Variants in TENM3 observed in about 807,000 individuals in gnomAD.
TENM3 encodes teneurin-3.
In TENM3, 63 loss-of-function variants were observed where a neutral mutation model predicts 255.1. The ratio of observed to expected loss-of-function variants is 0.25; its 90% confidence interval spans 0.20 to 0.30. The LOEUF is 0.30. Among genes scored for constraint, TENM3 ranks in the 10% least tolerant of loss-of-function variants. The pLI is 1.00. For synonymous variants in TENM3, 1,306 were observed against 1,322.3 expected (o/e 0.99, Z 0.27); for missense variants, 2,929 against 3,461.1 (o/e 0.85, Z 3.86).
the TENM3 span, among the ~76,000 whole-genome samples, chr4:182,116,860 A>G: frequency 1.3e-5 from 2 of 152,196 alleles, no homozygotes; most frequent in African/African-American, 4.8e-5. Flanking sequence ...TTGGTTTTGT[A>G]AGAAATGAAC....
the TENM3 span, among the ~76,000 whole-genome samples, chr4:181,539,892 C>T: frequency 6.6e-6 from 1 of 152,124 alleles, no homozygotes; most frequent in East Asian, 1.9e-4. Flanking sequence ...TTTACAAGTA[C>T]AACTATTTGG....
intron 12 of TENM3, among the ~76,000 whole-genome samples, chr4:182,691,146 G>A (rs767760310): frequency 5.3e-5 from 8 of 152,216 alleles, no homozygotes; most frequent in Admixed American, 1.3e-4. Context: ...GTGGCCCTAC[G>A]GGGCCATTTG....
intron 22 of TENM3, among the ~76,000 whole-genome samples, chr4:182,769,303 T>TTTTC (rs143866352): frequency 0.029 from 4,460 of 152,230 alleles, 178 homozygotes; most frequent in South Asian, 0.1. Flanking sequence ...TTTGAAGACA[T>TTTTC]TTTCTTTCAC....
At chr4:181,450,682 C>A in the TENM3 span, among the ~76,000 whole-genome samples, 1 of 152,196 alleles carries the variant, frequency 6.6e-6, no homozygotes, top group Non-Finnish European at 1.5e-5. Context: ...GTTTTGACAA[C>A]CTTCCTCAGT....
intron 1 of TENM3, among the ~76,000 whole-genome samples, chr4:182,287,375 A>G (rs1760796717): frequency 6.6e-6 from 1 of 152,190 alleles, no homozygotes; most frequent in African/African-American, 2.4e-5. Flanking sequence ...TAATACACCG[A>G]GCTTTTGCTA....
chr4:182,452,164 G>A (rs905556988), intron 3 of TENM3, among the ~76,000 whole-genome samples: 1 of 152,228 alleles, frequency 6.6e-6, no homozygotes, highest in African/African-American at 2.4e-5. Flanking sequence ...TATCATAGAT[G>A]TGAGTGCTTT....
intron 1 of TENM3, among the ~76,000 whole-genome samples, chr4:182,237,056 G>A (rs183082875): frequency 1.7e-4 from 26 of 152,228 alleles, no homozygotes; most frequent in African/African-American, 5.8e-4. Context: ...TTGTGTCCAT[G>A]TGTTCTCATT....
At chr4:181,604,327 T>C in the TENM3 span, among the ~76,000 whole-genome samples, 2 of 152,098 alleles carry the variant, frequency 1.3e-5, no homozygotes, top group Non-Finnish European at 2.9e-5. Context: ...TAAAGTAATC[T>C]CTCTGCTAAC....
the TENM3 span, among the ~76,000 whole-genome samples, chr4:181,684,389 T>C: frequency 6.6e-6 from 1 of 152,190 alleles, no homozygotes; most frequent in East Asian, 1.9e-4. Flanking sequence ...CTTCACAATA[T>C]GTAAAGAAAA....
At chr4:181,888,618 G>GTGTGTGTGTGT in the TENM3 span, among the ~76,000 whole-genome samples, 4 of 111,790 alleles carry the variant, frequency 3.6e-5, no homozygotes, top group East Asian at 2.6e-4. Context: ...GTGTGTGTGT[G>GTGTGTGTGTGT]GAAAGAGAGA....
chr4:181,679,321 G>T, the TENM3 span, among the ~76,000 whole-genome samples: 1 of 151,896 alleles, frequency 6.6e-6, no homozygotes, highest in Non-Finnish European at 1.5e-5. Flanking sequence ...TGATTCCGGG[G>T]GCTGCCCCAT....
chr4:181,678,867 T>C, the TENM3 span, among the ~76,000 whole-genome samples: 1 of 148,402 alleles, frequency 6.7e-6, no homozygotes, highest in South Asian at 2.1e-4. Flanking sequence ...AGAGAAAACA[T>C]GATTTGGGGA....
the TENM3 span, among the ~76,000 whole-genome samples, chr4:181,778,970 G>A: frequency 5.9e-5 from 9 of 152,000 alleles, no homozygotes; most frequent in African/African-American, 1.9e-4. Flanking sequence ...AGGAATAAGA[G>A]TCTGAAAGGA....
chr4:182,169,403 C>T (rs375879791), intron 1 of TENM3: 27 of 434,832 alleles, frequency 6.2e-5, no homozygotes, highest in African/African-American at 2.9e-4. Context: ...AAAATCTGCA[C>T]GAGGAAAAGA....
chr4:181,848,555 T>A, the TENM3 span, among the ~76,000 whole-genome samples: 1 of 152,166 alleles, frequency 6.6e-6, no homozygotes, highest in Non-Finnish European at 1.5e-5. Flanking sequence ...CACTGCATGA[T>A]AATGGAAAGC....
chr4:182,736,836 G>A lies in TENM3; in HGVS notation c.2996G>A (p.Gly999Glu). Residue 999 changes from glycine (G) to glutamate (E), a missense_variant, in exon 17 of 28, where the codon GGA becomes GAA. Transcript: ENST00000511685. ...CTCCACGAGGAAACTACAATTCCAG[G>A]AACAGATTTGAAACTCTCCTACTTG... is the stretch of plus-strand genomic sequence containing the variant. The part of the protein sequence containing the change: ...QVLHEETTIP[G>E]TDLKLSYLSS... The A allele has an allele frequency of 6.2e-7, 1 of 1,613,392 alleles. No individual in the cohort carries two copies. Among genetic ancestry groups the A allele is most frequent in the South Asian group, 1.1e-5 (1 of 91,016 alleles).
intron 18 of TENM3, among the ~76,000 whole-genome samples, chr4:182,741,738 T>C (rs1437447379): frequency 4.3e-4 from 66 of 152,250 alleles, no homozygotes. Context: ...CTTATTTTTC[T>C]TAAATTTGAA....
chr4:181,489,112 C>A, the TENM3 span, among the ~76,000 whole-genome samples: 5 of 152,326 alleles, frequency 3.3e-5, no homozygotes, highest in African/African-American at 1.2e-4. Context: ...CATCTGTAGG[C>A]AATGGCACTG....
the TENM3 span, among the ~76,000 whole-genome samples, chr4:182,006,032 T>A: frequency 2.0e-5 from 3 of 152,302 alleles, no homozygotes; most frequent in East Asian, 5.8e-4. Context: ...CTTGACTTCC[T>A]CTTTTCCTAT....
Sources: gnomAD v4.1 joint callset for allele counts (sites outside exome capture counted in the v4.1 genomes callset) on GRCh38, gnomAD v4.1.1 for gene constraint, MANE v1.5 for transcripts, NCBI Gene and HGNC (gene_info 2026-07-23, HGNC 2026-07-21) for gene names.